Variants in ULK4 observed in about 807,000 individuals in gnomAD.
ULK4 encodes inactive serine/threonine-protein kinase ULK4.
ULK4 carries 133 observed loss-of-function variants against 160.6 expected under a neutral mutation model. That is an observed-to-expected ratio of 0.83 (90% confidence interval 0.72 to 0.96). The LOEUF (loss-of-function observed/expected upper bound fraction) is 0.96, where lower values mean the gene tolerates loss of function less well. ULK4 is among the 40% of genes least tolerant of loss of function. The pLI, the probability that ULK4 is intolerant of heterozygous loss-of-function variation, is 0.00. For synonymous variants in ULK4, 534 were observed against 539.8 expected (o/e 0.99, Z 0.15); for missense variants, 1,580 against 1,499.5 (o/e 1.05, Z -0.89).
At chr3:41,487,551 G>A (rs562514993) in intron 32 of ULK4, among the ~76,000 whole-genome samples, 21 of 152,206 alleles carry the variant, frequency 1.4e-4, no homozygotes, top group Admixed American at 3.9e-4. Flanking sequence ...TAGGAATGTG[G>A]TATATGGATA....
chr3:41,931,853 T>C lies in ULK4; in HGVS notation c.532A>G (p.Arg178Gly). ...TTCCAGGTCCACATACCTTTGACTCTACTTTTCATGCTTTTCTTCAGGACA... is the reference window on the plus strand; with the variant it reads ...TTCCAGGTCCACATACCTTTGACTCCACTTTTCATGCTTTTCTTCAGGACA... ...ENVLKKSMKS[R>G]VKGSPVYTAP... Residue 178 changes from arginine (R) to glycine (G), a missense_variant, in exon 5 of 37, where the codon AGA becomes GGA. By Grantham distance (125) the Arg-to-Gly change is moderately radical. Coordinates refer to ENST00000301831, the MANE Select transcript of ULK4 (RefSeq NM_017886.4). 9 of 1,614,144 alleles carry C rather than the reference T, an allele frequency of 5.6e-6. No homozygotes were observed. In the South Asian group the frequency reaches 6.6e-5, roughly 12 times the overall value.
intron 17 of ULK4, among the ~76,000 whole-genome samples, chr3:41,867,313 C>T (rs904191570): frequency 6.6e-6 from 1 of 152,174 alleles, no homozygotes; most frequent in African/African-American, 2.4e-5. Flanking sequence ...ACCGGAAATG[C>T]GAATTACTGT....
At chr3:41,956,304 G>T (rs1700483566) in intron 1 of ULK4, among the ~76,000 whole-genome samples, 1 of 152,212 alleles carries the variant, frequency 6.6e-6, no homozygotes, top group Admixed American at 6.5e-5. Flanking sequence ...TGAGCGTGAA[G>T]AGGCCAGTGG....
chr3:41,435,635 A>T (rs17057265), intron 34 of ULK4, among the ~76,000 whole-genome samples: 38,735 of 152,114 alleles, frequency 0.25, 5,131 homozygotes, highest in East Asian at 0.56. Context: ...TGGAAAATGC[A>T]TGTAACCAAC....
At chr3:41,363,681 C>T (rs924399240) in intron 35 of ULK4, among the ~76,000 whole-genome samples, 1 of 152,104 alleles carries the variant, frequency 6.6e-6, no homozygotes, top group Non-Finnish European at 1.5e-5. Context: ...AGGGATATTC[C>T]ACACATTTAA....
At chr3:41,432,171 T>TA (rs1454359288) in intron 34 of ULK4, among the ~76,000 whole-genome samples, 1 of 152,168 alleles carries the variant, frequency 6.6e-6, no homozygotes, top group Non-Finnish European at 1.5e-5. Flanking sequence ...GTAGTATACA[T>TA]ACATTGGAAG....
At chr3:41,797,280 C>A (rs1240033250) in intron 20 of ULK4, among the ~76,000 whole-genome samples, 2 of 151,890 alleles carry the variant, frequency 1.3e-5, no homozygotes, top group African/African-American at 4.8e-5. Context: ...AGCTACAAAA[C>A]CCAAAATATT....
At chr3:41,255,794 A>C (rs2078823769) in intron 35 of ULK4, among the ~76,000 whole-genome samples, 1 of 152,226 alleles carries the variant, frequency 6.6e-6, no homozygotes, top group African/African-American at 2.4e-5. Context: ...CATACTTTTC[A>C]ATCTCTTCCA....
At chr3:41,324,243 G>T (rs2080301566) in intron 35 of ULK4, among the ~76,000 whole-genome samples, 1 of 152,322 alleles carries the variant, frequency 6.6e-6, no homozygotes, top group African/African-American at 2.4e-5. Context: ...ACATCTAGTT[G>T]TGTCACTATA....
intron 23 of ULK4, 93 bp downstream of exon 23, chr3:41,717,635 G>A (rs1272675126): frequency 1.3e-6 from 2 of 1,486,572 alleles, no homozygotes; most frequent in Non-Finnish European, 1.8e-6. Context: ...TTCAAGAACA[G>A]ACAAGTAAGA....
intron 16 of ULK4, among the ~76,000 whole-genome samples, chr3:41,889,842 C>T (rs1031070327): frequency 6.6e-6 from 1 of 152,052 alleles, no homozygotes; most frequent in African/African-American, 2.4e-5. Context: ...TCATAATAGC[C>T]AAATGTGGAA....
rs549783878 is a variant in ULK4, at chr3:41,278,212, A to C, written c.3679-28638T>G. On this transcript the variant is annotated intron_variant, in intron 35 of 36. Coordinates refer to ENST00000301831, the MANE Select transcript of ULK4 (RefSeq NM_017886.4). The stretch of plus-strand genomic sequence containing the variant: ...ACTGCTAGCGCAGCAGTCTGGGATC[A>C]ACCTGTAAGGCTGCAGCCCGGTTGG... 5 of 152,514 alleles carry C rather than the reference A, an allele frequency of 3.3e-5. No individual in the cohort carries two copies. The South Asian group carries it at 8.3e-4, about 25-fold the overall frequency. 9.4% of individuals were successfully genotyped at this position (152,514 alleles called of 1,614,324 possible).
intron 31 of ULK4, among the ~76,000 whole-genome samples, chr3:41,614,228 T>C (rs1334365694): frequency 6.6e-6 from 1 of 152,170 alleles, no homozygotes; most frequent in South Asian, 2.1e-4. Context: ...AGCAAAAGGA[T>C]GAATCATGTA....
At position 41,809,376 on chromosome 3, in the gene ULK4, T is replaced by TA. The variant is rs34440764; in HGVS notation, c.1849-9084dup. Among the ~76,000 whole-genome samples, 24 of 150,506 alleles carry TA rather than the reference T, an allele frequency of 1.6e-4. No individual in the cohort carries two copies. In the East Asian group the frequency reaches 2.3e-3, roughly 15 times the overall value. On this transcript the variant is annotated intron_variant, in intron 19 of 36. Transcript: ENST00000301831. ...GAATTACTAAAACAATAAAATATGT[T>TA]AAAAAAAAAATCCAGGTACCTTGAA...
rs189570781 is a variant in ULK4 at position 41,837,914 on chromosome 3, T to C, written c.1657-1943A>G. 5.6e-3 allele frequency among the ~76,000 whole-genome samples: 858 copies of C among 152,300 alleles called. 12 individuals are homozygous for C. Among genetic ancestry groups the C allele is most frequent in the African/African-American group, 0.019 (799 of 41,564 alleles). ...TTCTATTGTATGGATGTACCAAACG[T>C]GTAACTCTCACCACTCACTGCCTTA... On this transcript the variant is annotated intron_variant, in intron 17 of 36. Transcript: ENST00000301831.
intron 32 of ULK4, among the ~76,000 whole-genome samples, chr3:41,559,944 T>A (rs1345605544): frequency 1.3e-5 from 2 of 152,224 alleles, no homozygotes; most frequent in Non-Finnish European, 1.5e-5. Flanking sequence ...CCCTTGCCCA[T>A]GCCTATGTCC....
intron 32 of ULK4, among the ~76,000 whole-genome samples, chr3:41,464,524 G>A (rs185772490): frequency 3.3e-5 from 5 of 152,268 alleles, no homozygotes; most frequent in Admixed American, 1.3e-4. Context: ...GATACATAGT[G>A]CAGAAAAGCA....
In ULK4 at chr3:41,452,355, T is replaced by C. The variant is rs540109909; in HGVS notation, c.3492+3142A>G. Among the ~76,000 whole-genome samples, 3 of 152,336 alleles carry C rather than the reference T, an allele frequency of 2.0e-5. No individual in the cohort carries two copies. In the South Asian group the frequency reaches 6.2e-4, roughly 32 times the overall value. ...GATTAGATTATCTGGAATAGACGCC[T>C]GTTCAACAAACAATTCTGAAAGAAG... On this transcript the variant is annotated intron_variant, in intron 34 of 36. Coordinates refer to ENST00000301831, the MANE Select transcript of ULK4 (RefSeq NM_017886.4).
chr3:41,695,041 C>T (rs1448907650), intron 27 of ULK4, among the ~76,000 whole-genome samples: 1 of 152,162 alleles, frequency 6.6e-6, no homozygotes, highest in Non-Finnish European at 1.5e-5. Context: ...CCAGCAGGTT[C>T]AATGTCTTGT....
Sources: allele counts gnomAD v4.1 joint callset (sites outside exome capture counted in the v4.1 genomes callset), GRCh38; gene constraint gnomAD v4.1.1; transcripts MANE v1.5; gene names NCBI Gene and HGNC (gene_info 2026-07-23, HGNC 2026-07-21).